Variants in C1orf87 observed in about 807,000 individuals in gnomAD.
C1orf87 encodes uncharacterized protein C1orf87.
A neutral mutation model predicts 60.5 loss-of-function variants in C1orf87; 58 were observed. The ratio of observed to expected loss-of-function variants is 0.96; its 90% CI spans 0.78 to 1.19. C1orf87 has a LOEUF of 1.19. Among genes scored for constraint, C1orf87 ranks in the 50% most tolerant of loss-of-function variants. The pLI, the probability that C1orf87 is intolerant of heterozygous loss-of-function variation, is 0.00. For synonymous variants in C1orf87, 236 were observed against 227.4 expected, an observed-to-expected ratio of 1.04 and a Z score of -0.34; for missense variants, 673 against 638.6, an observed-to-expected ratio of 1.05 and a Z score of -0.58.
At chr1:60,019,726 T>C (rs1169137147) in intron 8 of C1orf87, among the ~76,000 whole-genome samples, 3 of 152,210 alleles carry the variant, frequency 2.0e-5, no homozygotes, top group Non-Finnish European at 4.4e-5. Flanking sequence ...TAAAGGTCAC[T>C]CTTTCTACGC....
At chr1:60,057,006 C>A (rs1480656115) in intron 2 of C1orf87, among the ~76,000 whole-genome samples, 1 of 152,000 alleles carries the variant, frequency 6.6e-6, no homozygotes, top group Non-Finnish European at 1.5e-5. Context: ...TATAGTCATC[C>A]TTTTGGTGGT....
At chr1:60,069,327 T>C (rs1645568956) in intron 2 of C1orf87, among the ~76,000 whole-genome samples, 1 of 152,126 alleles carries the variant, frequency 6.6e-6, no homozygotes, top group Non-Finnish European at 1.5e-5. Flanking sequence ...GGAAGGGAGC[T>C]GAGGTTCTGT....
intron 8 of C1orf87, among the ~76,000 whole-genome samples, chr1:60,020,358 AC>A (rs530197178): frequency 2.9e-4 from 44 of 152,242 alleles, no homozygotes; most frequent in African/African-American, 1.0e-3. Flanking sequence ...AAATCCACTG[AC>A]AGCTTGCAAC....
At chr1:60,040,610 C>T (rs1454644993) in intron 4 of C1orf87, among the ~76,000 whole-genome samples, 1 of 152,036 alleles carries the variant, frequency 6.6e-6, no homozygotes, top group Non-Finnish European at 1.5e-5. Context: ...CTCAGCAATC[C>T]TAGAAAAGGA....
intron 11 of C1orf87, among the ~76,000 whole-genome samples, chr1:59,995,039 C>T: frequency 6.6e-6 from 1 of 152,256 alleles, no homozygotes; most frequent in East Asian, 1.9e-4. Context: ...ACAGAGAAAA[C>T]AGGCATAAAT....
chr1:60,018,502 C>T (rs1231362043), intron 8 of C1orf87, among the ~76,000 whole-genome samples: 1 of 151,932 alleles, frequency 6.6e-6, no homozygotes, highest in African/African-American at 2.4e-5. Context: ...TTCTCAGAAT[C>T]TTGGTTCTGG....
intron 8 of C1orf87, among the ~76,000 whole-genome samples, chr1:60,018,322 T>C (rs1645137640): frequency 6.6e-6 from 1 of 152,202 alleles, no homozygotes; most frequent in African/African-American, 2.4e-5. Flanking sequence ...CTTTTTTAGT[T>C]CTTATGGTTG....
intron 8 of C1orf87, among the ~76,000 whole-genome samples, chr1:60,018,709 C>A (rs1022270939): frequency 6.6e-6 from 1 of 152,134 alleles, no homozygotes. Flanking sequence ...CTTCATCCAA[C>A]CACCCCCAAG....
chr1:60,069,068 T>C (rs754912480), intron 2 of C1orf87, among the ~76,000 whole-genome samples: 5 of 152,210 alleles, frequency 3.3e-5, no homozygotes, highest in Admixed American at 6.5e-5. Flanking sequence ...TAGTTGTGCA[T>C]ATATAATTTA....
At chr1:60,021,869 G>A (rs1459123751) in intron 8 of C1orf87, among the ~76,000 whole-genome samples, 1 of 152,198 alleles carries the variant, frequency 6.6e-6, no homozygotes, top group African/African-American at 2.4e-5. Flanking sequence ...GGTTAGTGTA[G>A]TTCTCATTGA....
intron 1 of C1orf87, among the ~76,000 whole-genome samples, chr1:60,073,019 C>T (rs898792675): frequency 9.2e-5 from 14 of 152,096 alleles, no homozygotes; most frequent in Non-Finnish European, 1.9e-4. Context: ...GATGGAATTC[C>T]AGTGAGGTCA....
chr1:60,038,787 T>G (rs1645297049), intron 5 of C1orf87, among the ~76,000 whole-genome samples: 1 of 152,216 alleles, frequency 6.6e-6, no homozygotes, highest in South Asian at 2.1e-4. Flanking sequence ...AAGACCTTTT[T>G]TCTGCATAGG....
chr1:60,042,963 A>G (rs1645337420), intron 3 of C1orf87, among the ~76,000 whole-genome samples: 2 of 152,346 alleles, frequency 1.3e-5, no homozygotes, highest in African/African-American at 2.4e-5. Context: ...AGGGAATGGC[A>G]TCTAAATCTA....
chr1:60,004,708 G>A (rs920689666), intron 9 of C1orf87, among the ~76,000 whole-genome samples: 7 of 151,922 alleles, frequency 4.6e-5, no homozygotes, highest in African/African-American at 1.5e-4. Context: ...ACAGCAAGAA[G>A]GATAAATAAT....
chr1:60,024,400 C>T (rs1334187473), intron 8 of C1orf87, among the ~76,000 whole-genome samples: 2 of 152,136 alleles, frequency 1.3e-5, no homozygotes, highest in African/African-American at 4.8e-5. Context: ...GTATGTGTTA[C>T]GAGGTCTGCC....
intron 2 of C1orf87, among the ~76,000 whole-genome samples, 176 bp downstream of exon 2, chr1:60,072,361 A>G (rs1299381021): frequency 6.6e-6 from 1 of 152,332 alleles, no homozygotes; most frequent in East Asian, 1.9e-4. Flanking sequence ...GATGAAAAAT[A>G]TCAGGAAAAC....
chr1:60,054,082 G>C (rs1387380746), intron 3 of C1orf87, among the ~76,000 whole-genome samples: 2 of 152,172 alleles, frequency 1.3e-5, no homozygotes, highest in Non-Finnish European at 2.9e-5. Context: ...AAAACATTCA[G>C]ATAAAAATTC....
intron 9 of C1orf87, chr1:60,008,710 A>G (rs1485800797): frequency 2.2e-6 from 1 of 456,250 alleles, no homozygotes; most frequent in Non-Finnish European, 4.4e-6. Flanking sequence ...CCACGTGTGA[A>G]ACCTCAGGTC....
chr1:59,990,524 A>G lies in C1orf87; in HGVS notation c.*149T>C. On this transcript the variant is annotated 3_prime_UTR_variant, in exon 12 of 12. Coordinates refer to ENST00000371201, the MANE Select transcript of C1orf87 (RefSeq NM_152377.3). Reference sequence around the variant, plus strand: ...TTATGAGTGAGCATCATAGCCAGAAACTAAGTCCAAATCAAAAGCATCTAC... The same window carrying G: ...TTATGAGTGAGCATCATAGCCAGAAGCTAAGTCCAAATCAAAAGCATCTAC... The G allele has an allele frequency of 1.0e-6, 1 of 957,066 alleles. No individual in the cohort carries two copies. Among genetic ancestry groups the G allele is most frequent in the Non-Finnish European group, 1.6e-6 (1 of 643,890 alleles). The allele number at this position is 957,066 out of a possible 1,614,324, so 59.3% of individuals were successfully genotyped here. A position where few individuals can be genotyped will look rare whatever the true frequency, so the allele number is the denominator to read the frequency against.
Sources: allele counts gnomAD v4.1 joint callset (sites outside exome capture counted in the v4.1 genomes callset), GRCh38; gene constraint gnomAD v4.1.1; transcripts MANE v1.5; gene names NCBI Gene and HGNC (gene_info 2026-07-23, HGNC 2026-07-21).